The following L3MBTL3 variants were observed in gnomAD, a reference collection of about 807,000 sequenced individuals.
The protein encoded by L3MBTL3 is L3MBTL histone methyl-lysine binding protein 3.
Under a neutral mutation model 102.3 loss-of-function variants are expected in L3MBTL3, and 27 were observed. The ratio of observed to expected loss-of-function variants is 0.26; its 90% CI spans 0.19 to 0.36. The LOEUF (loss-of-function observed/expected upper bound fraction) is 0.36. Ranked by LOEUF, L3MBTL3 falls within the 10% of genes least tolerant of loss-of-function variation. L3MBTL3 has a pLI of 1.00. For missense variants in L3MBTL3, 798 were observed against 955.3 expected, an observed-to-expected ratio of 0.84 and a Z score of 2.17; for synonymous variants, 340 against 320.9, an observed-to-expected ratio of 1.06 and a Z score of -0.64.
At position 130,083,644 on chromosome 6, in the gene L3MBTL3, C is replaced by G; in HGVS notation, c.1346C>G (p.Ser449Cys). The G allele has an allele frequency of 6.5e-7, 1 of 1,534,252 alleles. No homozygotes were observed. Among genetic ancestry groups the G allele is most frequent in the Non-Finnish European group, 8.8e-7 (1 of 1,139,392 alleles). ...GGTTATCCAAATGTGAAACATTTTTCTTGGGATAAATACTTAGAAGAAACC... is the reference window on the plus strand; with the variant it reads ...GGTTATCCAAATGTGAAACATTTTTGTTGGGATAAATACTTAGAAGAAACC... ...PPGYPNVKHF[S>C]WDKYLEETNS... The change falls in exon 15 of 23, where the codon TCT becomes TGT. Residue 449 changes from serine (S) to cysteine (C), a missense_variant. Ser to Cys is a moderately radical substitution (Grantham distance 112). Transcript: ENST00000361794.
chr6:130,042,083 G>GACA lies in L3MBTL3; in HGVS notation c.-15-598_-15-596dup, dbSNP rs539828062. On this transcript the variant is annotated intron_variant, in intron 2 of 22. Transcript: ENST00000361794. ...TTATTTGTTTTTCTCATGTTACAAA[G>GACA]ACAACAGTCTTAGAACAACAGTATC... Among the ~76,000 whole-genome samples, 234 of 152,188 alleles carry GACA rather than the reference G, an allele frequency of 1.5e-3. 1 individual carries two copies. Among genetic ancestry groups the GACA allele is most frequent in the African/African-American group, 5.2e-3 (218 of 41,540 alleles).
intron 3 of L3MBTL3, among the ~76,000 whole-genome samples, chr6:130,044,663 G>T (rs1285694121): frequency 6.6e-6 from 1 of 152,088 alleles, no homozygotes; most frequent in Non-Finnish European, 1.5e-5. Flanking sequence ...TTCATGTGCT[G>T]TAGACAGTTT....
At chr6:130,095,398 G>A (rs1328376576) in intron 18 of L3MBTL3, among the ~76,000 whole-genome samples, 2 of 152,072 alleles carry the variant, frequency 1.3e-5, no homozygotes, top group Non-Finnish European at 2.9e-5. Context: ...GTTCTATGAG[G>A]TTCAGTATGT....
At chr6:130,071,285 G>T (rs1449538446) in intron 13 of L3MBTL3, among the ~76,000 whole-genome samples, 158 bp downstream of exon 13, 4 of 152,000 alleles carry the variant, frequency 2.6e-5, no homozygotes, top group Non-Finnish European at 2.9e-5. Context: ...TTCCATATGG[G>T]ATATATTTTA....
chr6:130,083,753 A>G (rs1401648899), intron 15 of L3MBTL3, 48 bp downstream of exon 15: 2 of 952,254 alleles, frequency 2.1e-6, no homozygotes, highest in Non-Finnish European at 1.6e-6. Context: ...TCATTTATTT[A>G]TTGAAATTGA....
intron 14 of L3MBTL3, 62 bp downstream of exon 14, chr6:130,078,696 C>T: frequency 9.3e-7 from 1 of 1,078,440 alleles, no homozygotes; most frequent in Non-Finnish European, 1.4e-6. Context: ...CAGACTTTTT[C>T]TGTAAAGGGC....
At chr6:130,072,745 AAG>A (rs1406224654) in intron 13 of L3MBTL3, among the ~76,000 whole-genome samples, 1 of 152,152 alleles carries the variant, frequency 6.6e-6, no homozygotes, top group Non-Finnish European at 1.5e-5. Context: ...ATATCTTCTA[AAG>A]AGAGGAATTA....
intron 13 of L3MBTL3, among the ~76,000 whole-genome samples, chr6:130,076,703 C>T (rs1466453743): frequency 1.3e-5 from 2 of 152,062 alleles, no homozygotes; most frequent in Non-Finnish European, 2.9e-5. Flanking sequence ...AGTTACGTTT[C>T]TACTTTTGAA....
At chr6:130,119,292 A>G (rs536579480) in intron 19 of L3MBTL3, among the ~76,000 whole-genome samples, 1 of 152,224 alleles carries the variant, frequency 6.6e-6, no homozygotes, top group Non-Finnish European at 1.5e-5. Flanking sequence ...AATAATTGAT[A>G]TAGCCATCTA....
At chr6:130,086,355 C>A in intron 16 of L3MBTL3, 105 bp downstream of exon 16, 1 of 738,024 alleles carries the variant, frequency 1.4e-6, no homozygotes, top group Non-Finnish European at 2.3e-6. Context: ...TTAGTAAAAT[C>A]ATAGGAATAA....
At chr6:130,092,710 T>C in intron 16 of L3MBTL3, 35 bp from the exon 17 acceptor site, 2 of 1,370,020 alleles carry the variant, frequency 1.5e-6, no homozygotes, top group South Asian at 2.4e-5. Flanking sequence ...CTTTTATGAC[T>C]TAATTTGTAC....
At chr6:130,076,520 T>C in intron 13 of L3MBTL3, among the ~76,000 whole-genome samples, 2 of 152,182 alleles carry the variant, frequency 1.3e-5, no homozygotes, top group African/African-American at 2.4e-5. Flanking sequence ...CTGAGTCTCA[T>C]TGGGTCTTAG....
intron 18 of L3MBTL3, among the ~76,000 whole-genome samples, chr6:130,095,906 A>G (rs1389487098): frequency 6.6e-6 from 1 of 152,220 alleles, no homozygotes; most frequent in Non-Finnish European, 1.5e-5. Flanking sequence ...GTATTGTCAC[A>G]GTGGCAATCA....
rs1024370443 is a variant in L3MBTL3, at chr6:130,018,592, T to G, written c.-167T>G. ...CCCTGACTCTACGCGCACATGCGCA[T>G]TGCGCCCGCAGCCCTGGACCATTTG... is the stretch of plus-strand genomic sequence containing the variant. On this transcript the variant is annotated 5_prime_UTR_variant, in exon 1 of 23. Transcript: ENST00000361794. The G allele has an allele frequency of 1.3e-5, 2 of 154,186 alleles. No individual in the cohort carries two copies. The highest frequency in any genetic ancestry group is 2.9e-5 in the Non-Finnish European group (2 of 68,898). 9.6% of individuals were successfully genotyped at this position (154,186 alleles called of 1,614,324 possible).
chr6:130,133,972 T>G lies in L3MBTL3; in HGVS notation c.2199+67T>G. On this transcript the variant is annotated intron_variant, in intron 22 of 22. Transcript: ENST00000361794. This position sits in a 1 kb window ranked among gnomAD's most constrained non-coding sequence, Gnocchi z 4.9. The stretch of plus-strand genomic sequence containing the variant: ...CAAAGCACTGAAATGCAGTGGAAGG[T>G]GAAATGTGTGGAATTGGCAGAGTCA... The G allele has an allele frequency of 7.9e-7, 1 of 1,267,948 alleles. No homozygotes were observed. Among genetic ancestry groups the G allele is most frequent in the Non-Finnish European group, 1.2e-6 (1 of 869,524 alleles). The allele number at this position is 1,267,948 out of a possible 1,614,324, so 78.5% of individuals were successfully genotyped here.
intron 19 of L3MBTL3, among the ~76,000 whole-genome samples, chr6:130,118,098 G>A (rs935192222): frequency 2.6e-5 from 4 of 151,952 alleles, no homozygotes; most frequent in Non-Finnish European, 5.9e-5. Context: ...AAGACAATTT[G>A]GAGAATAAGT....
intron 2 of L3MBTL3, among the ~76,000 whole-genome samples, chr6:130,032,405 T>C (rs1000407039): frequency 4.6e-5 from 7 of 151,950 alleles, no homozygotes; most frequent in African/African-American, 1.7e-4. Context: ...GCTATGTTTG[T>C]GTTGTTGTAC....
chr6:130,139,708 C>T lies in L3MBTL3; in HGVS notation c.2298C>T (p.Ile766=). The T allele has an allele frequency of 6.2e-7, 1 of 1,613,122 alleles. No individual in the cohort carries two copies. The highest frequency in any genetic ancestry group is 1.1e-5 in the South Asian group (1 of 91,062). ...LGPALKIFNS[I]LMFKAAEKNS... is the part of the protein sequence containing the mutation. ...CTGCTCTCAAAATTTTCAATTCCAT[C>T]CTGATGTTCAAAGCTGCAGAGAAGA... The change falls in exon 23 of 23, where the codon ATC becomes ATT. Residue 766 remains isoleucine (I), a synonymous_variant. Coordinates refer to ENST00000361794, the MANE Select transcript of L3MBTL3 (RefSeq NM_032438.4).
intron 19 of L3MBTL3, among the ~76,000 whole-genome samples, chr6:130,110,449 T>C (rs1785279790): frequency 6.6e-6 from 1 of 152,216 alleles, no homozygotes; most frequent in Admixed American, 6.5e-5. Flanking sequence ...TTATTCTCTT[T>C]GTAGCAATTG....
Sources: gnomAD v4.1 joint callset for allele counts (sites outside exome capture counted in the v4.1 genomes callset) on GRCh38, gnomAD v4.1.1 for gene constraint, Gnocchi (gnomAD v3.1) non-coding constraint, MANE v1.5 for transcripts, NCBI Gene and HGNC (gene_info 2026-07-23, HGNC 2026-07-21) for gene names.